The following DNAI7 variants were observed in gnomAD, a reference collection of about 807,000 sequenced individuals.
DNAI7 encodes the protein dynein axonemal intermediate chain 7.
In DNAI7, 78 loss-of-function variants were observed where a neutral mutation model predicts 86.6. The observed-to-expected ratio is 0.90, with a 90% CI of 0.75 to 1.09. The LOEUF is 1.09. Ranked by LOEUF, DNAI7 falls within the 50% of genes least tolerant of loss-of-function variation. The probability of loss-of-function intolerance (pLI) is 0.00; values close to 1 mark genes in which losing one functional copy is unlikely to be tolerated. For synonymous variants in DNAI7, 274 were observed against 273.0 expected (o/e 1.00, Z -0.04); for missense variants, 753 against 810.2 (o/e 0.93, Z 0.86).
chr12:25,191,459 C>T (rs1950511637), intron 1 of DNAI7, among the ~76,000 whole-genome samples: 1 of 152,084 alleles, frequency 6.6e-6, no homozygotes, highest in Non-Finnish European at 1.5e-5. Flanking sequence ...AATCCCAGGA[C>T]TTTGGGCGGC....
chr12:25,112,164 A>G (rs1274634033), intron 13 of DNAI7, among the ~76,000 whole-genome samples: 7 of 152,212 alleles, frequency 4.6e-5, no homozygotes, highest in Non-Finnish European at 8.8e-5. Flanking sequence ...CTTCATCAGA[A>G]CATTCAAAGA....
chr12:25,123,471 T>C (rs1006891695), intron 9 of DNAI7, among the ~76,000 whole-genome samples, 185 bp from the exon 10 acceptor site: 1 of 152,172 alleles, frequency 6.6e-6, no homozygotes, highest in Non-Finnish European at 1.5e-5. Flanking sequence ...AATTAAAATA[T>C]CTACAAAACT....
chr12:25,138,014 C>A (rs868402204), intron 9 of DNAI7, among the ~76,000 whole-genome samples: 57 of 150,176 alleles, frequency 3.8e-4, no homozygotes, highest in Middle Eastern at 3.4e-3. Context: ...AAAAAAAAAA[C>A]AAAACAAAAC....
chr12:25,144,739 A>G, intron 8 of DNAI7, 62 bp from the exon 9 acceptor site: 1 of 1,206,156 alleles, frequency 8.3e-7, no homozygotes, highest in Non-Finnish European at 1.2e-6. Context: ...ATCTGTGTCA[A>G]ATTTATACCT....
At chr12:25,108,105 T>C (rs779229089), downstream of DNAI7, 5 of 1,588,446 alleles carry the variant, frequency 3.1e-6, no homozygotes, top group Non-Finnish European at 4.3e-6. Flanking sequence ...TAAGTTTCAG[T>C]ATCTGAACTT....
chr12:25,161,330 T>C, intron 2 of DNAI7, 133 bp from the exon 3 acceptor site: 3 of 739,874 alleles, frequency 4.1e-6, no homozygotes, highest in East Asian at 2.6e-5. Context: ...ATTCAACAAA[T>C]AAGACTGCCT....
chr12:25,143,211 T>C (rs923046890), intron 9 of DNAI7, among the ~76,000 whole-genome samples: 1 of 151,736 alleles, frequency 6.6e-6, no homozygotes, highest in African/African-American at 2.4e-5. Context: ...CATTATGTCA[T>C]ATCCATTTTT....
chr12:25,119,457 G>T (rs1940838156), intron 11 of DNAI7, among the ~76,000 whole-genome samples, 156 bp from the exon 12 acceptor site: 1 of 152,144 alleles, frequency 6.6e-6, no homozygotes, highest in Admixed American at 6.5e-5. Flanking sequence ...AAATTTAAAA[G>T]ATACATGATT....
intron 12 of DNAI7, 44 bp from the exon 13 acceptor site, chr12:25,114,914 C>CT (rs1302863485): frequency 7.0e-7 from 1 of 1,435,466 alleles, no homozygotes; most frequent in Non-Finnish European, 9.6e-7. Flanking sequence ...CATTTTTTCC[C>CT]TATTAAAAAA....
chr12:25,174,625 G>GAA (rs1160568801), intron 2 of DNAI7, among the ~76,000 whole-genome samples: 6 of 81,168 alleles, frequency 7.4e-5, no homozygotes, highest in South Asian at 3.7e-4. Flanking sequence ...CATATATATG[G>GAA]GATATATATC....
chr12:25,112,033 TAA>T, intron 13 of DNAI7, 94 bp from the exon 14 acceptor site: 1 of 720,260 alleles, frequency 1.4e-6, no homozygotes, highest in Admixed American at 2.8e-5. Context: ...TATACATTTT[TAA>T]AAGTCATCTA....
chr12:25,155,401 C>G lies in DNAI7; in HGVS notation c.210G>C (p.Arg70Ser), dbSNP rs1946042516. ...AAAGTTCTTCAAGTTCTTCATTTCT[C>G]CTTTCTAGATCCTGTTGCACAAGGA... ...WHRLEAKDLE[R>S]RNEELEELYL... The change falls in exon 5 of 16, where the codon AGG (arginine) becomes AGC (serine). Residue 70 changes from arginine to serine, a missense_variant. Physicochemically the swap from Arg to Ser is moderately radical, Grantham distance 110. Coordinates refer to ENST00000395987, the MANE Select transcript of DNAI7 (RefSeq NM_018272.5). 3 of 1,585,552 alleles carry G rather than the reference C, an allele frequency of 1.9e-6. No homozygotes were observed. Among genetic ancestry groups the G allele is most frequent in the East Asian group, 4.5e-5 (2 of 44,540 alleles).
intron 9 of DNAI7, among the ~76,000 whole-genome samples, chr12:25,124,057 T>TGTGTGTGTGTGTGTGC (rs1941727635): frequency 6.6e-6 from 1 of 151,880 alleles, no homozygotes; most frequent in Non-Finnish European, 1.5e-5. Flanking sequence ...TGTGTGTGTG[T>TGTGTGTGTGTGTGTGC]GTGTGCTAAT....
chr12:25,191,101 G>T (rs547646810), intron 1 of DNAI7, among the ~76,000 whole-genome samples: 1 of 152,304 alleles, frequency 6.6e-6, no homozygotes, highest in South Asian at 2.1e-4. Flanking sequence ...GATTTTTATA[G>T]AAAGGGAATC....
intron 2 of DNAI7, among the ~76,000 whole-genome samples, chr12:25,176,345 T>C (rs12369032): frequency 1 from 151,792 of 152,116 alleles, 75,737 homozygotes; most frequent in Non-Finnish European, 1. Context: ...AAAAATTCTG[T>C]TCTAGATTGA....
rs1200488631 is a variant in DNAI7, at chr12:25,126,866, C to A, written c.1003-3580G>T. ...TCATATCTTTAAAAAGTTGAGAACT[C>A]TTCAAAGAGTTTAGACCAAACTGGC... is the stretch of plus-strand genomic sequence containing the variant. On this transcript the variant is annotated intron_variant, in intron 9 of 15. Transcript: ENST00000395987. Among the ~76,000 whole-genome samples, 5 of 152,282 alleles carry A rather than the reference C, an allele frequency of 3.3e-5. No individual in the cohort carries two copies. The East Asian group carries it at 9.6e-4, about 29-fold the overall frequency.
At chr12:25,187,720 G>A (rs148658979) in intron 2 of DNAI7, among the ~76,000 whole-genome samples, 144 of 152,108 alleles carry the variant, frequency 9.5e-4, no homozygotes, top group African/African-American at 3.2e-3. Flanking sequence ...ATTTCAATAC[G>A]CCAAAACAAA....
Position 25,110,274 on chromosome 12 carries a change from G to C in DNAI7, c.1780-34C>G, listed in dbSNP as rs1183365749. The C allele has an allele frequency of 2.4e-6, 3 of 1,231,760 alleles. No individual in the cohort carries two copies. In the African/African-American group the frequency reaches 4.5e-5, roughly 18 times the overall value. The allele number at this position is 1,231,760 out of a possible 1,614,324, so 76.3% of individuals were successfully genotyped here. On this transcript the variant is annotated intron_variant, in intron 14 of 15. Coordinates refer to ENST00000395987, the MANE Select transcript of DNAI7 (RefSeq NM_018272.5). ...ATAAAAACAAATAGAATTGATCTTT[G>C]AGCCTCCCAACAAGTCTTCCTCCAT...
chr12:25,156,525 T>G (rs10842494), intron 4 of DNAI7, among the ~76,000 whole-genome samples: 117 of 151,842 alleles, frequency 7.7e-4, no homozygotes, highest in African/African-American at 2.7e-3. Flanking sequence ...GAGACAGAGG[T>G]GCATGGATCA....
Sources: allele counts gnomAD v4.1 joint callset (sites outside exome capture counted in the v4.1 genomes callset), GRCh38; gene constraint gnomAD v4.1.1; transcripts MANE v1.5; gene names NCBI Gene and HGNC (gene_info 2026-07-23, HGNC 2026-07-21).